Variants in SDK1 observed in about 807,000 individuals in gnomAD.
The protein encoded by SDK1 is sidekick cell adhesion molecule 1.
In SDK1, 157 loss-of-function variants were observed where a neutral mutation model predicts 245.5. The ratio of observed to expected loss-of-function variants is 0.64; its 90% confidence interval spans 0.56 to 0.73. The LOEUF (loss-of-function observed/expected upper bound fraction) is 0.73, where lower values mean the gene tolerates loss of function less well. SDK1 is among the 30% of genes least tolerant of loss of function. The pLI is 0.00. For missense variants in SDK1, 3,583 were observed against 3,002.3 expected (o/e 1.19, Z -4.52); for synonymous variants, 1,647 against 1,278.5 (o/e 1.29, Z -6.15).
intron 5 of SDK1, among the ~76,000 whole-genome samples, chr7:3,901,199 T>C (rs1781778424): frequency 6.6e-6 from 1 of 152,084 alleles, no homozygotes; most frequent in African/African-American, 2.4e-5. Context: ...TTTTTTCTTT[T>C]TTTTTCCCGA....
chr7:3,952,889 G>A (rs1355036580), intron 7 of SDK1, among the ~76,000 whole-genome samples: 1 of 152,164 alleles, frequency 6.6e-6, no homozygotes, highest in Non-Finnish European at 1.5e-5. Context: ...AGGAGGTTAA[G>A]TTGTGAGGCA....
intron 1 of SDK1, among the ~76,000 whole-genome samples, chr7:3,322,096 G>T (rs1779829475): frequency 6.6e-6 from 1 of 151,112 alleles, no homozygotes; most frequent in Non-Finnish European, 1.5e-5. Context: ...TACATCCAGA[G>T]TGCTGTGTGA....
At chr7:3,356,744 C>T (rs748403473) in intron 1 of SDK1, among the ~76,000 whole-genome samples, 2 of 152,044 alleles carry the variant, frequency 1.3e-5, no homozygotes, top group African/African-American at 2.4e-5. Flanking sequence ...GAGATCCCTG[C>T]GTTCTTTTGT....
intron 4 of SDK1, among the ~76,000 whole-genome samples, chr7:3,700,927 C>T (rs758234088): frequency 2.6e-5 from 4 of 151,936 alleles, no homozygotes; most frequent in Non-Finnish European, 5.9e-5. Flanking sequence ...CTTAGTTTTT[C>T]TTCACTGATA....
At chr7:3,703,672 G>A (rs1201354677) in intron 4 of SDK1, among the ~76,000 whole-genome samples, 4 of 152,076 alleles carry the variant, frequency 2.6e-5, no homozygotes, top group Admixed American at 6.5e-5. Flanking sequence ...GGTAAAGGGC[G>A]CCTGATTTTC....
intron 5 of SDK1, among the ~76,000 whole-genome samples, chr7:3,881,271 C>A (rs1360520265): frequency 6.6e-6 from 1 of 151,924 alleles, no homozygotes. Context: ...ATGCAACAGG[C>A]CCCCCAGTGT....
chr7:4,185,234 C>G (rs1440438852), intron 35 of SDK1, among the ~76,000 whole-genome samples: 1 of 152,184 alleles, frequency 6.6e-6, no homozygotes, highest in Non-Finnish European at 1.5e-5. Flanking sequence ...AGAAATTTTT[C>G]TGGTGGAGGT....
At chr7:3,938,573 G>A (rs546815870) in intron 5 of SDK1, among the ~76,000 whole-genome samples, 3 of 151,094 alleles carry the variant, frequency 2.0e-5, no homozygotes, top group African/African-American at 7.4e-5. Context: ...GTGAACCTGG[G>A]AGGCGGAGCT....
intron 38 of SDK1, 90 bp downstream of exon 38, chr7:4,210,252 C>G: frequency 7.9e-7 from 1 of 1,266,356 alleles, no homozygotes; most frequent in Non-Finnish European, 1.0e-6. Flanking sequence ...CTGACCGCTT[C>G]TGTGGGCCAG....
At chr7:3,534,496 C>T (rs918680771) in intron 1 of SDK1, among the ~76,000 whole-genome samples, 6 of 152,074 alleles carry the variant, frequency 3.9e-5, no homozygotes, top group Non-Finnish European at 8.8e-5. Flanking sequence ...TTTTGCATTC[C>T]TAGAAACAAT....
chr7:4,047,824 G>A (rs780207753), intron 17 of SDK1, among the ~76,000 whole-genome samples: 2 of 152,174 alleles, frequency 1.3e-5, no homozygotes, highest in Non-Finnish European at 2.9e-5. Flanking sequence ...TGATTGTTTT[G>A]TACTTTGTTC....
intron 13 of SDK1, among the ~76,000 whole-genome samples, chr7:3,986,861 T>C (rs996012748): frequency 6.6e-6 from 1 of 152,114 alleles, no homozygotes; most frequent in Non-Finnish European, 1.5e-5. Context: ...CTTGGTCTTA[T>C]AAAAAACAGA....
chr7:3,574,652 C>T (rs2178627), intron 1 of SDK1, among the ~76,000 whole-genome samples: 1 of 151,802 alleles, frequency 6.6e-6, no homozygotes, highest in Non-Finnish European at 1.5e-5. Context: ...TTCCCCTCCA[C>T]GCATACATTT....
intron 44 of SDK1, among the ~76,000 whole-genome samples, chr7:4,247,598 C>G (rs558861704): frequency 6.6e-6 from 1 of 152,244 alleles, no homozygotes; most frequent in African/African-American, 2.4e-5. Context: ...TCGGGCCTGT[C>G]CCTGCTGCCG....
chr7:3,494,515 T>C (rs1236433919), intron 1 of SDK1, among the ~76,000 whole-genome samples: 2 of 152,156 alleles, frequency 1.3e-5, no homozygotes, highest in Non-Finnish European at 2.9e-5. Context: ...TTCTGAGAAA[T>C]AGATATGGGG....
At chr7:3,619,299 C>G (rs1231075249) in intron 2 of SDK1, 60 bp downstream of exon 2, 5 of 1,449,642 alleles carry the variant, frequency 3.4e-6, no homozygotes, top group Admixed American at 1.7e-5. Flanking sequence ...GAATACTTGC[C>G]TTACTGGTCA....
intron 39 of SDK1, among the ~76,000 whole-genome samples, chr7:4,220,803 ACT>A (rs1262395345): frequency 1.3e-5 from 2 of 151,156 alleles, no homozygotes; most frequent in Non-Finnish European, 3.0e-5. Flanking sequence ...ACAGGGTCTC[ACT>A]CTGTCACCCA....
chr7:3,676,867 G>A (rs1437092252), intron 4 of SDK1, among the ~76,000 whole-genome samples: 1 of 152,180 alleles, frequency 6.6e-6, no homozygotes, highest in African/African-American at 2.4e-5. Context: ...ATTGGTCTGT[G>A]TGTCTACTTT....
intron 35 of SDK1, among the ~76,000 whole-genome samples, chr7:4,202,684 C>G (rs192500409): frequency 5.9e-5 from 9 of 152,234 alleles, no homozygotes; most frequent in Non-Finnish European, 1.0e-4. Context: ...AGAGTTAATT[C>G]CTACAGCTCT....
Sources: gnomAD v4.1 joint callset for allele counts (sites outside exome capture counted in the v4.1 genomes callset) on GRCh38, gnomAD v4.1.1 for gene constraint, MANE v1.5 for transcripts, NCBI Gene and HGNC (gene_info 2026-07-23, HGNC 2026-07-21) for gene names.